The following LRRTM4 variants were observed in gnomAD, a reference collection of about 807,000 sequenced individuals.
The protein encoded by LRRTM4 is leucine rich repeat transmembrane neuronal 4, also known as leucine-rich repeat transmembrane neuronal protein 4.
LRRTM4 carries 25 observed loss-of-function variants against 47.6 expected under a neutral mutation model. That is an observed-to-expected ratio of 0.53 (90% confidence interval 0.38 to 0.73). The LOEUF (loss-of-function observed/expected upper bound fraction) is 0.73. Ranked by LOEUF, LRRTM4 falls within the 30% of genes least tolerant of loss-of-function variation. LRRTM4 has a pLI of 0.00. For synonymous variants in LRRTM4, 311 were observed against 269.5 expected (o/e 1.15, Z -1.51); for missense variants, 638 against 713.4 (o/e 0.89, Z 1.20).
At chr2:76,806,598 A>G (rs1368054605) in intron 3 of LRRTM4, among the ~76,000 whole-genome samples, 1 of 134,342 alleles carries the variant, frequency 7.4e-6, no homozygotes, top group Non-Finnish European at 1.5e-5. Context: ...TTTTTTTTAA[A>G]AAGAAAAAAA....
intron 3 of LRRTM4, among the ~76,000 whole-genome samples, chr2:77,356,695 G>T (rs1219899961): frequency 1.3e-5 from 2 of 152,174 alleles, no homozygotes; most frequent in African/African-American, 4.8e-5. Context: ...AGGTCAATGG[G>T]TAATGCTAAG....
intron 3 of LRRTM4, among the ~76,000 whole-genome samples, chr2:76,911,730 G>T (rs1207851559): frequency 1.3e-5 from 2 of 152,058 alleles, no homozygotes; most frequent in African/African-American, 4.8e-5. Flanking sequence ...AATGTCAGTA[G>T]AAATGGAATA....
chr2:77,329,479 C>T (rs1461477806), intron 3 of LRRTM4, among the ~76,000 whole-genome samples: 1 of 152,122 alleles, frequency 6.6e-6, no homozygotes, highest in Non-Finnish European at 1.5e-5. Context: ...GAAGGGATGA[C>T]TGTCAATTTT....
At chr2:76,867,929 TTTAAGTAGCCTTTGGA>T (rs1672511111) in intron 3 of LRRTM4, among the ~76,000 whole-genome samples, 1 of 152,192 alleles carries the variant, frequency 6.6e-6, no homozygotes, top group Admixed American at 6.5e-5. Context: ...GTTTTGCTGG[TTTAAGTAGCCTTTGGA>T]ATGTTCTAGA....
At chr2:77,322,174 C>A (rs1375145155) in intron 3 of LRRTM4, among the ~76,000 whole-genome samples, 2 of 151,996 alleles carry the variant, frequency 1.3e-5, no homozygotes, top group Non-Finnish European at 2.9e-5. Context: ...TGTTTCTCAG[C>A]ATTGTGAAGA....
chr2:77,470,501 T>G (rs1435531169), intron 3 of LRRTM4, among the ~76,000 whole-genome samples: 1 of 152,150 alleles, frequency 6.6e-6, no homozygotes, highest in Non-Finnish European at 1.5e-5. Context: ...TTTGGTACAA[T>G]GAAGACACAC....
At chr2:76,797,817 T>C (rs952123775) in intron 3 of LRRTM4, among the ~76,000 whole-genome samples, 3 of 151,336 alleles carry the variant, frequency 2.0e-5, no homozygotes, top group African/African-American at 4.9e-5. Context: ...GTTGCAATCC[T>C]AGTCTCTGAT....
At chr2:76,842,924 T>C (rs1164992316) in intron 3 of LRRTM4, among the ~76,000 whole-genome samples, 1 of 152,194 alleles carries the variant, frequency 6.6e-6, no homozygotes, top group Admixed American at 6.5e-5. Flanking sequence ...ATATCTACTT[T>C]TTGTAAATAT....
At chr2:77,499,975 A>G (rs1202999558) in intron 3 of LRRTM4, among the ~76,000 whole-genome samples, 2 of 151,678 alleles carry the variant, frequency 1.3e-5, no homozygotes, top group East Asian at 3.9e-4. Context: ...GTGGAGCCCA[A>G]CAGGAGATAC....
chr2:77,453,728 G>A (rs959792228), intron 3 of LRRTM4, among the ~76,000 whole-genome samples: 4 of 151,896 alleles, frequency 2.6e-5, no homozygotes, highest in Non-Finnish European at 4.4e-5. Flanking sequence ...TATTTCTGTG[G>A]TATTTCTTTT....
At chr2:77,456,335 T>A (rs893860441) in intron 3 of LRRTM4, among the ~76,000 whole-genome samples, 1 of 152,174 alleles carries the variant, frequency 6.6e-6, no homozygotes, top group South Asian at 2.1e-4. Context: ...ATAATTAAAA[T>A]AAGAATCAGT....
chr2:77,269,782 T>C (rs2104066218), intron 3 of LRRTM4, among the ~76,000 whole-genome samples: 1 of 152,318 alleles, frequency 6.6e-6, no homozygotes, highest in South Asian at 2.1e-4. Context: ...TATAAGAATA[T>C]TATAATGTTC....
At chr2:77,040,294 GCTC>G (rs1678983109) in intron 3 of LRRTM4, among the ~76,000 whole-genome samples, 1 of 151,262 alleles carries the variant, frequency 6.6e-6, no homozygotes, top group African/African-American at 2.4e-5. Flanking sequence ...GCAAATTACA[GCTC>G]ATCATTTGCT....
chr2:77,503,968 T>C (rs1172716644), intron 3 of LRRTM4, among the ~76,000 whole-genome samples: 1 of 151,684 alleles, frequency 6.6e-6, no homozygotes, highest in African/African-American at 2.4e-5. Flanking sequence ...GATAGTAGGT[T>C]GAAGAACTTA....
chr2:77,323,276 T>C (rs1670617193), intron 3 of LRRTM4, among the ~76,000 whole-genome samples: 1 of 152,110 alleles, frequency 6.6e-6, no homozygotes, highest in African/African-American at 2.4e-5. Context: ...GGAGGAACAG[T>C]CTCTGAACTG....
At chr2:77,048,116 C>G (rs191275011) in intron 3 of LRRTM4, among the ~76,000 whole-genome samples, 168 of 151,926 alleles carry the variant, frequency 1.1e-3, no homozygotes, top group Non-Finnish European at 1.9e-3. Context: ...AAGTCAAATG[C>G]AGACAATGGA....
chr2:77,082,787 TATG>T (rs1345670266), intron 3 of LRRTM4, among the ~76,000 whole-genome samples: 3 of 152,132 alleles, frequency 2.0e-5, no homozygotes, highest in Admixed American at 6.5e-5. Context: ...TATTTCTTTC[TATG>T]ATGTCACGTA....
intron 3 of LRRTM4, among the ~76,000 whole-genome samples, chr2:77,252,185 T>C (rs1019859687): frequency 6.6e-6 from 1 of 152,034 alleles, no homozygotes; most frequent in African/African-American, 2.4e-5. Flanking sequence ...AGACCTGAGA[T>C]AGGGAAGTTG....
At chr2:77,044,510 T>C (rs912770499) in intron 3 of LRRTM4, among the ~76,000 whole-genome samples, 4 of 151,734 alleles carry the variant, frequency 2.6e-5, no homozygotes, top group African/African-American at 4.8e-5. Flanking sequence ...TAATAATGTA[T>C]TTTTCTAAAC....
Sources: gnomAD v4.1 joint callset for allele counts (sites outside exome capture counted in the v4.1 genomes callset) on GRCh38, gnomAD v4.1.1 for gene constraint, MANE v1.5 for transcripts, NCBI Gene and HGNC (gene_info 2026-07-23, HGNC 2026-07-21) for gene names.